The following SETD2 variants were observed in gnomAD, a reference collection of about 807,000 sequenced individuals.
The protein encoded by SETD2 is histone-lysine N-methyltransferase SETD2.
Under a neutral mutation model 242.1 loss-of-function variants are expected in SETD2, and 31 were observed. The observed-to-expected ratio is 0.13, with a 90% CI of 0.10 to 0.17. SETD2 has a LOEUF of 0.17. Ranked by LOEUF, SETD2 falls within the 10% of genes least tolerant of loss-of-function variation. The pLI, the probability that SETD2 is intolerant of heterozygous loss-of-function variation, is 1.00. For missense variants in SETD2, 2,481 were observed against 3,046.3 expected, an observed-to-expected ratio of 0.81 and a Z score of 4.37; for synonymous variants, 1,006 against 1,066.5, an observed-to-expected ratio of 0.94 and a Z score of 1.11.
rs139271195 is a variant in SETD2, at chr3:47,134,142, T to C, written c.72-7479A>G. On this transcript the variant is annotated intron_variant, in intron 1 of 20. Transcript: ENST00000409792. Reference sequence around the variant, plus strand: ...CACCATTAGGAAACCAGGAATTTCATTGCTCCTGCTGCCCCATCCTACACT... The same window carrying C: ...CACCATTAGGAAACCAGGAATTTCACTGCTCCTGCTGCCCCATCCTACACT... Among the ~76,000 whole-genome samples the C allele has an allele frequency of 1.7e-3, 263 of 152,250 alleles. 2 individuals carry two copies. Among genetic ancestry groups the C allele is most frequent in the African/African-American group, 5.4e-3 (225 of 41,552 alleles).
intron 6 of SETD2, chr3:47,105,678 T>C (rs907776971): frequency 6.7e-6 from 3 of 449,712 alleles, no homozygotes; most frequent in Non-Finnish European, 1.3e-5. Context: ...GTAATCTCAA[T>C]GCTTTGGTGA....
chr3:47,061,543 A>C (rs1044755278), intron 14 of SETD2, among the ~76,000 whole-genome samples: 3 of 152,236 alleles, frequency 2.0e-5, no homozygotes, highest in Admixed American at 2.0e-4. Context: ...CACGATGTTC[A>C]ATCTATTTAG....
intron 12 of SETD2, among the ~76,000 whole-genome samples, chr3:47,067,949 C>T (rs1233290343): frequency 6.6e-6 from 1 of 152,164 alleles, no homozygotes; most frequent in African/African-American, 2.4e-5. Context: ...TAGATCACTG[C>T]TCCTCTTGAT....
At chr3:47,135,707 C>T (rs958969484) in intron 1 of SETD2, among the ~76,000 whole-genome samples, 10 of 152,194 alleles carry the variant, frequency 6.6e-5, no homozygotes, top group Non-Finnish European at 1.5e-4. Flanking sequence ...ATGCCTATTT[C>T]ACACATTCCC....
chr3:47,039,884 C>CAA (rs201543639), intron 17 of SETD2, among the ~76,000 whole-genome samples: 2 of 75,008 alleles, frequency 2.7e-5, no homozygotes, highest in Non-Finnish European at 2.8e-5. Flanking sequence ...AACTCTGTCT[C>CAA]AAAAAAAAAA....
intron 1 of SETD2, chr3:47,127,636 C>A: frequency 2.5e-6 from 1 of 403,808 alleles, no homozygotes. Context: ...CCGAGGTGGG[C>A]AGACCACCTG....
At chr3:47,061,448 G>A (rs1473462228) in intron 14 of SETD2, among the ~76,000 whole-genome samples, 1 of 152,100 alleles carries the variant, frequency 6.6e-6, no homozygotes, top group Non-Finnish European at 1.5e-5. Flanking sequence ...TTACAGTAGG[G>A]AAAGGACAGC....
chr3:47,153,732 G>A (rs949631727), intron 1 of SETD2, among the ~76,000 whole-genome samples: 1 of 150,384 alleles, frequency 6.6e-6, no homozygotes, highest in Admixed American at 6.7e-5. Context: ...CAGCCTAGGT[G>A]ACAAGGGAGG....
At chr3:47,099,310 T>C (rs879599120) in intron 8 of SETD2, among the ~76,000 whole-genome samples, 3 of 152,206 alleles carry the variant, frequency 2.0e-5, no homozygotes, top group Non-Finnish European at 4.4e-5. Flanking sequence ...AAGCTACTAA[T>C]TGATATAGGT....
chr3:47,056,092 ATTTTTATTTATTTATTTATT>A (rs1253436923), intron 15 of SETD2, among the ~76,000 whole-genome samples: 2 of 112,996 alleles, frequency 1.8e-5, no homozygotes, highest in East Asian at 2.5e-4. Context: ...AGAAAACATG[ATTTTTATTTATTTATTTATT>A]TATTTATTTA....
chr3:47,058,948 C>T (rs1367205403), intron 14 of SETD2, among the ~76,000 whole-genome samples: 1 of 151,528 alleles, frequency 6.6e-6, no homozygotes, highest in African/African-American at 2.4e-5. Flanking sequence ...GTGCCCGCCA[C>T]CATGCCTGGC....
intron 5 of SETD2, among the ~76,000 whole-genome samples, chr3:47,112,592 T>G (rs547571495): frequency 4.9e-4 from 74 of 150,804 alleles, no homozygotes; most frequent in African/African-American, 1.8e-3. Flanking sequence ...TAATTTTGGG[T>G]TTTTTGTTTG....
intron 5 of SETD2, among the ~76,000 whole-genome samples, chr3:47,112,022 TTC>T (rs772160290): frequency 1.3e-5 from 2 of 152,300 alleles, no homozygotes; most frequent in Non-Finnish European, 2.9e-5. Flanking sequence ...CTTCCATTTT[TTC>T]TTTTATATAT....
intron 8 of SETD2, among the ~76,000 whole-genome samples, chr3:47,098,937 T>C (rs1341994406): frequency 6.6e-6 from 1 of 152,190 alleles, no homozygotes; most frequent in African/African-American, 2.4e-5. Context: ...TTTCCACTTT[T>C]CTTTCCCTCA....
At chr3:47,127,566 A>G (rs901164587) in intron 1 of SETD2, 5 of 453,524 alleles carry the variant, frequency 1.1e-5, no homozygotes, top group African/African-American at 2.0e-5. Context: ...CATCTCTCTT[A>G]AAAATAATTT....
chr3:47,024,613 C>A (rs2038389296), intron 18 of SETD2, among the ~76,000 whole-genome samples: 1 of 151,662 alleles, frequency 6.6e-6, no homozygotes, highest in Non-Finnish European at 1.5e-5. Flanking sequence ...GATCACACCA[C>A]TGCACTCCAG....
At chr3:47,106,219 A>T in intron 5 of SETD2, 99 bp from the exon 6 acceptor site, 1 of 997,794 alleles carries the variant, frequency 1.0e-6, no homozygotes, top group South Asian at 1.9e-5. Flanking sequence ...AAATACTGCA[A>T]TGTGGATAAA....
At chr3:47,063,226 G>A (rs2040416351) in intron 13 of SETD2, among the ~76,000 whole-genome samples, 1 of 152,152 alleles carries the variant, frequency 6.6e-6, no homozygotes, top group South Asian at 2.1e-4. Flanking sequence ...TGTTGTTCAA[G>A]AGTCAAAGGT....
At chr3:47,125,342 TA>T (rs11308076) in intron 2 of SETD2, among the ~76,000 whole-genome samples, 97,860 of 149,324 alleles carry the variant, frequency 0.66, 32,237 homozygotes, top group African/African-American at 0.76. Context: ...ATTTAAAAAT[TA>T]AAAAAAAAAA....
Sources: allele counts gnomAD v4.1 joint callset (sites outside exome capture counted in the v4.1 genomes callset), GRCh38; gene constraint gnomAD v4.1.1; transcripts MANE v1.5; gene names NCBI Gene and HGNC (gene_info 2026-07-23, HGNC 2026-07-21).